ZNF518A: variants seen among roughly 807,000 people sequenced by gnomAD.
The protein encoded by ZNF518A is zinc finger protein 518.
Under a neutral mutation model 102.7 loss-of-function variants are expected in ZNF518A, and 47 were observed. That is an observed-to-expected ratio of 0.46 (90% CI 0.36 to 0.58). ZNF518A has a LOEUF of 0.58. Among genes scored for constraint, ZNF518A ranks in the 20% least tolerant of loss-of-function variants. The pLI is 0.00. For missense variants in ZNF518A, 1,793 were observed against 1,699.8 expected, an observed-to-expected ratio of 1.05 and a Z score of -0.96; for synonymous variants, 652 against 594.6, an observed-to-expected ratio of 1.10 and a Z score of -1.40.
At chr10:96,201,519 G>T (rs2083634146) in intron 1 of ZNF518A, among the ~76,000 whole-genome samples, 1 of 151,980 alleles carries the variant, frequency 6.6e-6, no homozygotes, top group Non-Finnish European at 1.5e-5. Context: ...TTTTTAAATG[G>T]ATTAATAAAT....
chr10:96,188,158 A>G (rs2083283814), intron 1 of ZNF518A, among the ~76,000 whole-genome samples: 1 of 152,186 alleles, frequency 6.6e-6, no homozygotes, highest in African/African-American at 2.4e-5. Context: ...CCTCTTAAAG[A>G]CTTTTCTAAT....
rs782338258 is a variant in ZNF518A, at chr10:96,162,742, A to C, written c.*1968A>C. 6 of 166,088 alleles carry C rather than the reference A, an allele frequency of 3.6e-5. No individual in the cohort carries two copies. Among genetic ancestry groups the C allele is most frequent in the South Asian group, 4.1e-4 (2 of 4,834 alleles). 10.3% of individuals were successfully genotyped at this position (166,088 alleles called of 1,614,324 possible). On this transcript the variant is annotated 3_prime_UTR_variant, in exon 6 of 6. Coordinates refer to ENST00000316045, the MANE Select transcript of ZNF518A (RefSeq NM_001330736.2). ...TTATCTTGTTTGTGTTTACACAATA[A>C]TTTTTTTACTGTGCTAAAATCTGAT... is the stretch of plus-strand genomic sequence containing the variant.
downstream of ZNF518A, chr10:96,204,256 G>A (rs1591303433): frequency 8.8e-6 from 7 of 796,480 alleles, no homozygotes; most frequent in East Asian, 1.7e-4. Flanking sequence ...TTAAAGATAA[G>A]TAAGACTCTT....
chr10:96,163,942 G>A (rs1338413582), downstream of ZNF518A, among the ~76,000 whole-genome samples: 2 of 152,160 alleles, frequency 1.3e-5, no homozygotes, highest in Non-Finnish European at 2.9e-5. Flanking sequence ...AAAGTTTCTA[G>A]TATAGATGTA....
rs781940051 is a variant in ZNF518A, at chr10:96,201,014, T to C, written n.36-2560T>C. The C allele has an allele frequency of 4.3e-6, 7 of 1,614,054 alleles. No homozygotes were observed. In the African/African-American group the frequency reaches 8.0e-5, roughly 18 times the overall value. On this transcript the variant is annotated intron_variant and non_coding_transcript_variant, in intron 1 of 2. Transcript: ENST00000442635. ...GAAATAGTGGAATTAGATGAAAAGC[T>C]GGGTAGGGGCCCATCCACAGTTGGG...
rs587716733 is a variant in ZNF518A at position 96,178,768 on chromosome 10, G to A, written n.35+22721G>A. On this transcript the variant is annotated intron_variant and non_coding_transcript_variant, in intron 1 of 2. Coordinates refer to the ZNF518A transcript ENST00000442635. ...ACTACAGATCTGACATATCTTAAAA[G>A]CATTATATTAGAATATATATTAGAC... 6.6e-5 allele frequency among the ~76,000 whole-genome samples: 10 copies of A among 152,052 alleles called. No homozygotes were observed. The South Asian group carries it at 2.1e-3, about 32-fold the overall frequency.
intron 1 of ZNF518A, chr10:96,199,665 A>G (rs997302553): frequency 5.2e-6 from 2 of 387,106 alleles, no homozygotes; most frequent in Middle Eastern, 5.2e-4. Context: ...TTTAATTAGC[A>G]TATCATAAGG....
intron 1 of ZNF518A, among the ~76,000 whole-genome samples, chr10:96,132,129 G>A (rs1554872189): frequency 6.6e-6 from 1 of 151,342 alleles, no homozygotes; most frequent in African/African-American, 2.4e-5. Flanking sequence ...TTTTAACACC[G>A]TCTTGAAATT....
intron 1 of ZNF518A, among the ~76,000 whole-genome samples, chr10:96,170,884 T>TAA (rs2083169291): frequency 6.6e-6 from 1 of 152,136 alleles, no homozygotes; most frequent in African/African-American, 2.4e-5. Flanking sequence ...TTAGGAGACG[T>TAA]AACCCAATTT....
rs2081894326 is a variant in ZNF518A at position 96,140,959 on chromosome 10, G to T, written c.-302+7311G>T. Among the ~76,000 whole-genome samples, 3 of 152,000 alleles carry T rather than the reference G, an allele frequency of 2.0e-5. 1 individual carries two copies. Among genetic ancestry groups the T allele is most frequent in the Non-Finnish European group, 2.9e-5 (2 of 67,956 alleles). On this transcript the variant is annotated intron_variant, in intron 3 of 5. Coordinates refer to ENST00000316045, the MANE Select transcript of ZNF518A (RefSeq NM_001330736.2). ...ACCCTGTCTCAAAAAAAAAGATGGGGGGTTGTGGGAGTGATTTCTGACTCT... is the reference window on the plus strand; with the variant it reads ...ACCCTGTCTCAAAAAAAAAGATGGGTGGTTGTGGGAGTGATTTCTGACTCT...
chr10:96,171,667 C>A (rs1298912577), intron 1 of ZNF518A, among the ~76,000 whole-genome samples: 2 of 152,016 alleles, frequency 1.3e-5, no homozygotes, highest in African/African-American at 4.8e-5. Context: ...ATATGGTATG[C>A]AAATGATAGT....
At chr10:96,197,763 A>G (rs2083508282) in intron 1 of ZNF518A, among the ~76,000 whole-genome samples, 1 of 152,010 alleles carries the variant, frequency 6.6e-6, no homozygotes, top group Non-Finnish European at 1.5e-5. Context: ...AAGAAAAAAA[A>G]TCCCTAGCCG....
chr10:96,136,931 G>C (rs893853569), intron 3 of ZNF518A, among the ~76,000 whole-genome samples: 2 of 152,196 alleles, frequency 1.3e-5, no homozygotes, highest in Non-Finnish European at 2.9e-5. Flanking sequence ...TTTAGGCTTT[G>C]TGGGCCATAT....
downstream of ZNF518A, among the ~76,000 whole-genome samples, chr10:96,166,620 T>A (rs2083142475): frequency 6.6e-6 from 1 of 151,816 alleles, no homozygotes; most frequent in Admixed American, 6.6e-5. Context: ...TACAAAAAAA[T>A]AGCCAGGCAT....
At chr10:96,176,499 G>A (rs2083205386) in intron 1 of ZNF518A, among the ~76,000 whole-genome samples, 1 of 152,164 alleles carries the variant, frequency 6.6e-6, no homozygotes, top group Non-Finnish European at 1.5e-5. Flanking sequence ...ATTTCTGGCT[G>A]AGTGCCTATA....
downstream of ZNF518A, among the ~76,000 whole-genome samples, chr10:96,165,980 T>C (rs587691971): frequency 6.6e-6 from 1 of 152,050 alleles, no homozygotes; most frequent in Non-Finnish European, 1.5e-5. Flanking sequence ...GTGGTGTAAC[T>C]CTCAGACTGA....
chr10:96,135,082 G>C (rs1189427470), intron 3 of ZNF518A: 1 of 152,212 alleles, frequency 6.6e-6, no homozygotes, highest in Non-Finnish European at 1.5e-5. Context: ...TACTCATGCA[G>C]AGCCAGTCAG....
chr10:96,157,676 G>A lies in ZNF518A; in HGVS notation c.1354G>A (p.Gly452Arg). The A allele has an allele frequency of 6.2e-7, 1 of 1,613,786 alleles. No individual in the cohort carries two copies. The highest frequency in any genetic ancestry group is 1.7e-5 in the Admixed American group (1 of 60,002). The change falls in exon 6 of 6, where the codon GGA becomes AGA. Residue 452 changes from glycine to arginine, a missense_variant. By Grantham distance (125) the Gly-to-Arg change is moderately radical (BLOSUM62 -2). Coordinates refer to ENST00000316045, the MANE Select transcript of ZNF518A (RefSeq NM_001330736.2). Reference sequence around the variant, plus strand: ...GTTTATGGGCTTCAAGATGATGGATGGAAAACAGCATATTGTATTAAAATT... The same window carrying A: ...GTTTATGGGCTTCAAGATGATGGATAGAAAACAGCATATTGTATTAAAATT... ...ATFMGFKMMD[G>R]KQHIVLKLVP...
intron 1 of ZNF518A, chr10:96,192,034 A>G (rs1554893568): frequency 2.5e-6 from 4 of 1,613,786 alleles, no homozygotes; most frequent in Non-Finnish European, 1.7e-6. Context: ...CTGACTGTCA[A>G]TAAGAACCAA....
Sources: gnomAD v4.1 joint callset for allele counts (sites outside exome capture counted in the v4.1 genomes callset) on GRCh38, gnomAD v4.1.1 for gene constraint, MANE v1.5 for transcripts, NCBI Gene and HGNC (gene_info 2026-07-23, HGNC 2026-07-21) for gene names.